GUCY1A2: variants seen among roughly 807,000 people sequenced by gnomAD.
The protein encoded by GUCY1A2 is guanylate cyclase soluble subunit alpha-2.
GUCY1A2 carries 27 observed loss-of-function variants against 63.5 expected under a neutral mutation model. The ratio of observed to expected loss-of-function variants is 0.43; its 90% CI spans 0.31 to 0.59. GUCY1A2 has a LOEUF of 0.59. GUCY1A2 is among the 20% of genes least tolerant of loss of function. The pLI is 0.11. For missense variants in GUCY1A2, 768 were observed against 913.3 expected, an observed-to-expected ratio of 0.84 and a Z score of 2.05; for synonymous variants, 364 against 343.5, an observed-to-expected ratio of 1.06 and a Z score of -0.66.
chr11:106,824,601 TAGAA>T (rs1858942714), intron 4 of GUCY1A2, among the ~76,000 whole-genome samples: 1 of 152,154 alleles, frequency 6.6e-6, no homozygotes, highest in Non-Finnish European at 1.5e-5. Flanking sequence ...TTGAGGTCTT[TAGAA>T]CTTCTCTCAC....
intron 7 of GUCY1A2, among the ~76,000 whole-genome samples, chr11:106,689,370 A>C (rs1230680002): frequency 6.6e-6 from 1 of 152,200 alleles, no homozygotes; most frequent in African/African-American, 2.4e-5. Flanking sequence ...TATATAAAAA[A>C]CAAGTCTCCT....
chr11:106,941,081 G>A (rs973119264), intron 3 of GUCY1A2, among the ~76,000 whole-genome samples: 2 of 151,946 alleles, frequency 1.3e-5, no homozygotes, highest in African/African-American at 4.8e-5. Flanking sequence ...GGGAAAAGGA[G>A]AAAAAACAAG....
intron 6 of GUCY1A2, among the ~76,000 whole-genome samples, chr11:106,738,111 C>G (rs1287993564): frequency 6.6e-6 from 1 of 152,186 alleles, no homozygotes; most frequent in Non-Finnish European, 1.5e-5. Context: ...GATGGTATCT[C>G]ATTGTGGTTT....
At chr11:106,756,750 C>G (rs960168054) in intron 6 of GUCY1A2, among the ~76,000 whole-genome samples, 1 of 152,152 alleles carries the variant, frequency 6.6e-6, no homozygotes, top group African/African-American at 2.4e-5. Context: ...TTGTGGGTAA[C>G]CCGACCTTTC....
chr11:106,907,052 T>C (rs1256513601), intron 4 of GUCY1A2, among the ~76,000 whole-genome samples: 1 of 152,050 alleles, frequency 6.6e-6, no homozygotes, highest in East Asian at 1.9e-4. Flanking sequence ...AACTGCACAT[T>C]CTGCACATGT....
Position 106,951,584 on chromosome 11 carries a change from G to A in GUCY1A2, c.488-11406C>T, listed in dbSNP as rs141141294. On this transcript the variant is annotated intron_variant, in intron 3 of 7. Coordinates refer to ENST00000526355, the MANE Select transcript of GUCY1A2 (RefSeq NM_000855.3). ...CATCCTTTGCCCACTTTATGATGGG[G>A]TTGTTTGGTTTTGTTTTTGGAAATA... 4.8e-3 allele frequency among the ~76,000 whole-genome samples: 729 copies of A among 152,234 alleles called. 7 individuals are homozygous for A. Among genetic ancestry groups the A allele is most frequent in the African/African-American group, 0.016 (674 of 41,532 alleles).
intron 4 of GUCY1A2, among the ~76,000 whole-genome samples, chr11:106,825,186 AC>A (rs775693230): frequency 2.6e-5 from 4 of 152,078 alleles, no homozygotes; most frequent in Non-Finnish European, 4.4e-5. Context: ...TTTATGTAAA[AC>A]CCTTTAATTG....
At chr11:106,855,635 C>T (rs1859419090) in intron 4 of GUCY1A2, among the ~76,000 whole-genome samples, 1 of 152,088 alleles carries the variant, frequency 6.6e-6, no homozygotes, top group East Asian at 1.9e-4. Flanking sequence ...GTACTAAAAA[C>T]ATTTGTTGAA....
intron 4 of GUCY1A2, among the ~76,000 whole-genome samples, chr11:106,931,391 G>A (rs7936687): frequency 0.89 from 135,186 of 152,242 alleles, 60,115 homozygotes; most frequent in East Asian, 1. Context: ...ACCTTCTTAC[G>A]CTGCCAGTCA....
At chr11:106,932,840 C>A (rs112222910) in intron 4 of GUCY1A2, among the ~76,000 whole-genome samples, 56 of 152,194 alleles carry the variant, frequency 3.7e-4, no homozygotes, top group African/African-American at 1.3e-3. Flanking sequence ...TGATCTTCAG[C>A]AAAGTTGACA....
chr11:106,983,161 A>G lies in GUCY1A2; in HGVS notation c.365+2909T>C, dbSNP rs531558741. Among the ~76,000 whole-genome samples the G allele has an allele frequency of 3.9e-5, 6 of 152,354 alleles. No individual in the cohort carries two copies. The East Asian group carries it at 9.6e-4, about 24-fold the overall frequency. On this transcript the variant is annotated intron_variant, in intron 2 of 7. Transcript: ENST00000526355. ...TGGTGAAAATACATATTGGCGGACAAAAGTAGAAACCAGAAAATTAGACCA... is the reference window on the plus strand; with the variant it reads ...TGGTGAAAATACATATTGGCGGACAGAAGTAGAAACCAGAAAATTAGACCA...
chr11:106,731,111 G>C (rs998866782), intron 6 of GUCY1A2, among the ~76,000 whole-genome samples: 1 of 151,944 alleles, frequency 6.6e-6, no homozygotes, highest in Admixed American at 6.6e-5. Context: ...GATCTCCTTT[G>C]TCAATTTTTG....
At chr11:106,987,674 C>A (rs1225101255) in intron 1 of GUCY1A2, among the ~76,000 whole-genome samples, 2 of 149,786 alleles carry the variant, frequency 1.3e-5, no homozygotes, top group Non-Finnish European at 3.0e-5. Context: ...AAAAAAGACA[C>A]CAGAGGTCTA....
At chr11:106,857,758 G>A (rs1859457074) in intron 4 of GUCY1A2, among the ~76,000 whole-genome samples, 2 of 152,100 alleles carry the variant, frequency 1.3e-5, no homozygotes, top group African/African-American at 4.8e-5. Context: ...TAAAAATACA[G>A]TATAGCAACT....
At chr11:106,777,849 C>T (rs947143165) in intron 5 of GUCY1A2, among the ~76,000 whole-genome samples, 3 of 151,930 alleles carry the variant, frequency 2.0e-5, no homozygotes, top group African/African-American at 7.3e-5. Context: ...AAGGAAGAAA[C>T]AAGTATTAGT....
At chr11:106,868,082 C>T (rs891943886) in intron 4 of GUCY1A2, among the ~76,000 whole-genome samples, 3 of 151,916 alleles carry the variant, frequency 2.0e-5, no homozygotes, top group African/African-American at 4.8e-5. Flanking sequence ...ATGTAGTCTT[C>T]GGTTTCATAA....
intron 3 of GUCY1A2, among the ~76,000 whole-genome samples, chr11:106,960,062 A>G (rs879858676): frequency 6.6e-6 from 1 of 152,184 alleles, no homozygotes; most frequent in East Asian, 1.9e-4. Flanking sequence ...ATCTTTCCAC[A>G]TAGTTCTCAT....
chr11:106,746,480 G>GAAGT, intron 6 of GUCY1A2: 3 of 752,866 alleles, frequency 4.0e-6, no homozygotes, highest in Non-Finnish European at 6.7e-6. Context: ...TATACTCAAG[G>GAAGT]AAGTAAGTAA....
chr11:106,831,741 A>T (rs968352335), intron 4 of GUCY1A2, among the ~76,000 whole-genome samples: 1 of 152,212 alleles, frequency 6.6e-6, no homozygotes. Context: ...CCTGCCTCAG[A>T]CCTATGATGT....
Sources: allele counts gnomAD v4.1 joint callset (sites outside exome capture counted in the v4.1 genomes callset), GRCh38; gene constraint gnomAD v4.1.1; transcripts MANE v1.5; gene names NCBI Gene and HGNC (gene_info 2026-07-23, HGNC 2026-07-21).